Variants in FAM117B observed in about 807,000 individuals in gnomAD.
FAM117B encodes family with sequence similarity 117 member B, also known as protein FAM117B.
Under a neutral mutation model 52.8 loss-of-function variants are expected in FAM117B, and 22 were observed. The ratio of observed to expected loss-of-function variants is 0.42; its 90% CI spans 0.30 to 0.59. FAM117B has a LOEUF of 0.59. Ranked by LOEUF, FAM117B falls within the 20% of genes least tolerant of loss-of-function variation. The pLI, the probability that FAM117B is intolerant of heterozygous loss-of-function variation, is 0.22. For missense variants in FAM117B, 678 were observed against 802.6 expected (o/e 0.84, Z 1.88); for synonymous variants, 309 against 324.1 (o/e 0.95, Z 0.50).
intron 1 of FAM117B, among the ~76,000 whole-genome samples, chr2:202,686,584 G>A (rs542772061): frequency 6.6e-6 from 1 of 152,276 alleles, no homozygotes; most frequent in East Asian, 1.9e-4. Context: ...AGCCGAGGCG[G>A]ATCACTTGAG....
Position 202,768,713 on chromosome 2 carries a change from T to C in FAM117B, c.*2949T>C, listed in dbSNP as rs111729241. 6.6e-6 allele frequency: 1 copy of C among 152,608 alleles called. No homozygotes were observed. Among genetic ancestry groups the C allele is most frequent in the African/African-American group, 2.4e-5 (1 of 41,456 alleles). The allele number at this position is 152,608 out of a possible 1,614,324, so 9.5% of individuals were successfully genotyped here. On this transcript the variant is annotated 3_prime_UTR_variant, in exon 8 of 8. Transcript: ENST00000392238. The stretch of plus-strand genomic sequence containing the variant: ...TTTCTAAAGTTACACTCCATAATTA[T>C]TGTTATTCTGTAGAAAACTGTACAG...
At chr2:202,737,441 A>C (rs978485442) in intron 4 of FAM117B, among the ~76,000 whole-genome samples, 18 of 152,014 alleles carry the variant, frequency 1.2e-4, no homozygotes, top group Admixed American at 1.0e-3. Context: ...CCCCATCCCT[A>C]ATCTCTTGTA....
rs1292657775 is a variant in FAM117B at position 202,767,713 on chromosome 2, A to T, written c.*1949A>T. 2 of 152,212 alleles carry T rather than the reference A, an allele frequency of 1.3e-5. No homozygotes were observed. Among genetic ancestry groups the T allele is most frequent in the Non-Finnish European group, 2.9e-5 (2 of 68,036 alleles). The allele number at this position is 152,212 out of a possible 1,614,324, so 9.4% of individuals were successfully genotyped here. ...TCTTTGGAAAGGACTTCTTATACTC[A>T]TGTACCTTTAAAACATCTAAGCAAT... On this transcript the variant is annotated 3_prime_UTR_variant, in exon 8 of 8. Transcript: ENST00000392238.
intron 1 of FAM117B, among the ~76,000 whole-genome samples, chr2:202,668,564 G>A (rs1180863966): frequency 6.8e-6 from 1 of 147,088 alleles, no homozygotes; most frequent in Non-Finnish European, 1.5e-5. Flanking sequence ...AAGGTATAGT[G>A]AACTCTGATT....
chr2:202,681,332 A>G (rs1438457907), intron 1 of FAM117B, among the ~76,000 whole-genome samples: 2 of 152,208 alleles, frequency 1.3e-5, no homozygotes, highest in Non-Finnish European at 2.9e-5. Flanking sequence ...AAATACTTTA[A>G]CCATTTAAAT....
At chr2:202,645,439 G>A (rs527331058) in intron 1 of FAM117B, among the ~76,000 whole-genome samples, 3 of 150,888 alleles carry the variant, frequency 2.0e-5, no homozygotes, top group South Asian at 2.1e-4. Context: ...ACAGGCGCCC[G>A]CCACCTCGCC....
At chr2:202,648,244 T>C (rs897661159) in intron 1 of FAM117B, among the ~76,000 whole-genome samples, 21 of 152,310 alleles carry the variant, frequency 1.4e-4, no homozygotes, top group Admixed American at 1.0e-3. Context: ...GCTTGTTGGC[T>C]CATGCCTTTA....
At chr2:202,742,788 A>G (rs1171999432) in intron 4 of FAM117B, among the ~76,000 whole-genome samples, 1 of 152,242 alleles carries the variant, frequency 6.6e-6, no homozygotes, top group African/African-American at 2.4e-5. Context: ...CCTCGTATAA[A>G]GAACTCTCAA....
At chr2:202,758,885 A>G (rs1449285230) in intron 6 of FAM117B, among the ~76,000 whole-genome samples, 4 of 152,224 alleles carry the variant, frequency 2.6e-5, no homozygotes, top group African/African-American at 9.6e-5. Context: ...CAGGCCAAGA[A>G]TTAGTCATCA....
At chr2:202,639,821 G>GT (rs1304252592) in intron 1 of FAM117B, among the ~76,000 whole-genome samples, 1 of 152,136 alleles carries the variant, frequency 6.6e-6, no homozygotes, top group Non-Finnish European at 1.5e-5. Context: ...TAGTTTTAGT[G>GT]TATTTAACAT....
chr2:202,668,272 AATATTTAT>A (rs1690239649), intron 1 of FAM117B, among the ~76,000 whole-genome samples: 2 of 146,598 alleles, frequency 1.4e-5, no homozygotes, highest in Admixed American at 6.9e-5. Context: ...AAGATATAAA[AATATTTAT>A]ATATTAAATG....
intron 2 of FAM117B, among the ~76,000 whole-genome samples, chr2:202,697,881 T>C (rs374813213): frequency 2.0e-5 from 3 of 151,894 alleles, no homozygotes; most frequent in African/African-American, 7.3e-5. Flanking sequence ...TATTTTTATT[T>C]TTTGAGATAA....
chr2:202,686,192 T>TG (rs1450134616), intron 1 of FAM117B, among the ~76,000 whole-genome samples: 2 of 152,170 alleles, frequency 1.3e-5, no homozygotes, highest in African/African-American at 4.8e-5. Flanking sequence ...ACTGGGGAGA[T>TG]GCTAATTAAA....
At chr2:202,710,364 T>A (rs1438666437) in intron 2 of FAM117B, among the ~76,000 whole-genome samples, 1 of 152,184 alleles carries the variant, frequency 6.6e-6, no homozygotes, top group East Asian at 1.9e-4. Flanking sequence ...TCTTATGTTA[T>A]TTTTTGGTGC....
At chr2:202,694,904 A>G (rs1690687822) in intron 1 of FAM117B, among the ~76,000 whole-genome samples, 1 of 152,214 alleles carries the variant, frequency 6.6e-6, no homozygotes, top group Non-Finnish European at 1.5e-5. Flanking sequence ...TAACATTGTC[A>G]CTAATTTTTT....
At chr2:202,725,283 C>A in intron 3 of FAM117B, 3 of 215,088 alleles carry the variant, frequency 1.4e-5, no homozygotes, top group Non-Finnish European at 2.7e-5. Flanking sequence ...AACAATACAA[C>A]AAATTCACAT....
intron 2 of FAM117B, among the ~76,000 whole-genome samples, chr2:202,702,907 A>T (rs906303325): frequency 2.2e-4 from 34 of 152,318 alleles, no homozygotes; most frequent in African/African-American, 7.9e-4. Context: ...TTAAGACATA[A>T]TGTTATTGCA....
intron 4 of FAM117B, among the ~76,000 whole-genome samples, chr2:202,754,861 A>G (rs1238859503): frequency 3.2e-5 from 4 of 126,546 alleles, no homozygotes; most frequent in Non-Finnish European, 4.8e-5. Flanking sequence ...CTGTGCTCCA[A>G]CCTGGGTGAC....
At chr2:202,692,277 A>G (rs900532538) in intron 1 of FAM117B, among the ~76,000 whole-genome samples, 37 of 152,336 alleles carry the variant, frequency 2.4e-4, no homozygotes, top group African/African-American at 8.2e-4. Flanking sequence ...AAAGTTAAGC[A>G]TAAATGAGCT....
Sources: allele counts gnomAD v4.1 joint callset (sites outside exome capture counted in the v4.1 genomes callset), GRCh38; gene constraint gnomAD v4.1.1; transcripts MANE v1.5; gene names NCBI Gene and HGNC (gene_info 2026-07-23, HGNC 2026-07-21).